PRKN: variants seen among roughly 807,000 people sequenced by gnomAD.
PRKN encodes parkin RBR E3 ubiquitin protein ligase, also known as E3 ubiquitin-protein ligase parkin.
In PRKN, 56 loss-of-function variants were observed where a neutral mutation model predicts 59.5. The observed-to-expected ratio is 0.94, with a 90% CI of 0.76 to 1.18. PRKN has a LOEUF of 1.18. PRKN is among the 50% of genes most tolerant of loss of function. PRKN has a pLI of 0.00. For synonymous variants in PRKN, 250 were observed against 222.1 expected, an observed-to-expected ratio of 1.13 and a Z score of -1.12; for missense variants, 657 against 596.4, an observed-to-expected ratio of 1.10 and a Z score of -1.06.
intron 2 of PRKN, among the ~76,000 whole-genome samples, chr6:162,337,446 ACT>A (rs2128126686): frequency 6.6e-6 from 1 of 152,342 alleles, no homozygotes; most frequent in African/African-American, 2.4e-5. Context: ...AGATGAATGC[ACT>A]TGTTTATAAA....
intron 1 of PRKN, among the ~76,000 whole-genome samples, chr6:162,678,556 G>C (rs558691403): frequency 6.6e-6 from 1 of 152,200 alleles, no homozygotes; most frequent in East Asian, 1.9e-4. Context: ...ATAATGTTGG[G>C]GGTATCTTTG....
chr6:162,693,213 G>A (rs1399247414), intron 1 of PRKN, among the ~76,000 whole-genome samples: 1 of 152,186 alleles, frequency 6.6e-6, no homozygotes, highest in African/African-American at 2.4e-5. Context: ...TGTATAAGAT[G>A]TATGTGCCCA....
chr6:162,574,429 A>G (rs1780474413), intron 1 of PRKN, among the ~76,000 whole-genome samples: 1 of 152,196 alleles, frequency 6.6e-6, no homozygotes, highest in Non-Finnish European at 1.5e-5. Context: ...CATTTACATC[A>G]TGATATTCTT....
intron 9 of PRKN, among the ~76,000 whole-genome samples, chr6:161,437,904 T>C (rs550510616): frequency 6.6e-6 from 1 of 152,250 alleles, no homozygotes; most frequent in East Asian, 1.9e-4. Flanking sequence ...CACTAGTATA[T>C]CTACCAAAGG....
At chr6:162,167,090 G>A (rs1783023228) in intron 4 of PRKN, among the ~76,000 whole-genome samples, 1 of 152,154 alleles carries the variant, frequency 6.6e-6, no homozygotes, top group South Asian at 2.1e-4. Flanking sequence ...GAGGAGCCAA[G>A]CTGATGAGTG....
intron 1 of PRKN, among the ~76,000 whole-genome samples, chr6:162,710,424 G>T (rs1390395024): frequency 9.0e-6 from 1 of 111,028 alleles, no homozygotes; most frequent in Admixed American, 8.6e-5. Context: ...CAACTGTTTG[G>T]TATGATGAGG....
chr6:162,674,508 A>G (rs1779461251), intron 1 of PRKN, among the ~76,000 whole-genome samples: 1 of 152,152 alleles, frequency 6.6e-6, no homozygotes, highest in South Asian at 2.1e-4. Context: ...CAACATAACT[A>G]AGGAAACTGA....
At chr6:161,711,437 A>G (rs1352226634) in intron 7 of PRKN, among the ~76,000 whole-genome samples, 4 of 152,236 alleles carry the variant, frequency 2.6e-5, no homozygotes, top group Non-Finnish European at 2.9e-5. Context: ...TCAGAAGAGA[A>G]GTCGTCATAT....
chr6:162,693,293 T>C (rs944898493), intron 1 of PRKN, among the ~76,000 whole-genome samples: 3 of 152,184 alleles, frequency 2.0e-5, no homozygotes, highest in African/African-American at 7.2e-5. Context: ...CCTCACAACA[T>C]TGGCCACTAA....
At chr6:162,139,833 C>T (rs1781703810) in intron 4 of PRKN, among the ~76,000 whole-genome samples, 3 of 150,542 alleles carry the variant, frequency 2.0e-5, no homozygotes, top group Admixed American at 2.0e-4. Context: ...TGCCTGCCTG[C>T]AAGCCTACTT....
chr6:161,532,417 T>C (rs1583197420), intron 9 of PRKN, among the ~76,000 whole-genome samples: 1 of 151,972 alleles, frequency 6.6e-6, no homozygotes, highest in Non-Finnish European at 1.5e-5. Flanking sequence ...TGTGGGTGTA[T>C]GTATGTAGTG....
intron 7 of PRKN, among the ~76,000 whole-genome samples, chr6:161,652,586 T>C (rs1784190140): frequency 1.3e-5 from 2 of 152,242 alleles, no homozygotes; most frequent in African/African-American, 4.8e-5. Flanking sequence ...ATTACTGACA[T>C]TTATAGTAAG....
At position 161,720,517 on chromosome 6, in the gene PRKN, G is replaced by T. The variant is rs1035163955; in HGVS notation, c.871+65255C>A. 1.1e-3 allele frequency among the ~76,000 whole-genome samples: 160 copies of T among 148,940 alleles called. 1 individual carries two copies. The highest frequency in any genetic ancestry group is 9.5e-4 in the Non-Finnish European group (64 of 67,378). ...TCAGAGGGCACTGATGGGCACAGGT[G>T]GGGGGGGGCAGGTGGGCAGAAGAAA... On this transcript the variant is annotated intron_variant, in intron 7 of 11. Coordinates refer to ENST00000366898, the MANE Select transcript of PRKN (RefSeq NM_004562.3).
intron 1 of PRKN, among the ~76,000 whole-genome samples, chr6:162,563,045 G>A (rs180884261): frequency 2.0e-5 from 3 of 152,212 alleles, no homozygotes; most frequent in African/African-American, 7.2e-5. Flanking sequence ...GCTCACGCCT[G>A]TAATCCCAGC....
chr6:162,648,915 A>G lies in PRKN; in HGVS notation c.7+78747T>C, dbSNP rs143114143. Among the ~76,000 whole-genome samples the G allele has an allele frequency of 9.7e-3, 1,475 of 152,250 alleles. 24 individuals carry two copies. The highest frequency in any genetic ancestry group is 0.015 in the Non-Finnish European group (1,005 of 68,010). ...GACTTTAAGTAAATAAGTTTACCCT[A>G]AAAAACTTGGGGGTCCTCATCTAAT... On this transcript the variant is annotated intron_variant, in intron 1 of 11. Transcript: ENST00000366898.
rs1252682622 is a variant in PRKN, at chr6:161,448,743, CT to C, written c.1084-61867del. ...GGCTGGAAAGGCACTCCCTGCAGAT[CT>C]GGGAAGCCATGAGCCACAGGAGCAT... On this transcript the variant is annotated intron_variant, in intron 9 of 11. Transcript: ENST00000366898. This position sits in a 1 kb window ranked among gnomAD's most constrained non-coding sequence, Gnocchi z 5.1. 6.6e-6 allele frequency among the ~76,000 whole-genome samples: 1 copy of C among 152,230 alleles called. No homozygotes were observed. The highest frequency in any genetic ancestry group is 1.5e-5 in the Non-Finnish European group (1 of 68,046).
intron 7 of PRKN, among the ~76,000 whole-genome samples, chr6:161,731,291 G>T (rs1289747535): frequency 1.3e-5 from 2 of 152,220 alleles, no homozygotes; most frequent in Admixed American, 6.5e-5. Flanking sequence ...AACCCACCTG[G>T]TGGGTCATGA....
At chr6:161,577,368 T>C (rs1195314964) in intron 7 of PRKN, among the ~76,000 whole-genome samples, 1 of 152,190 alleles carries the variant, frequency 6.6e-6, no homozygotes, top group Non-Finnish European at 1.5e-5. Flanking sequence ...CTTTTCATAA[T>C]AAAAATCTCT....
chr6:161,630,093 T>C (rs573508551), intron 7 of PRKN, among the ~76,000 whole-genome samples: 1 of 152,330 alleles, frequency 6.6e-6, no homozygotes, highest in Non-Finnish European at 1.5e-5. Context: ...CCTTTTCAAT[T>C]TTCAATTTGA....
Sources: allele counts gnomAD v4.1 joint callset (sites outside exome capture counted in the v4.1 genomes callset), GRCh38; gene constraint gnomAD v4.1.1; non-coding constraint Gnocchi (gnomAD v3.1); transcripts MANE v1.5; gene names NCBI Gene and HGNC (gene_info 2026-07-23, HGNC 2026-07-21).